PC: variants seen among roughly 807,000 people sequenced by gnomAD.
The protein encoded by PC is pyruvate carboxylase, mitochondrial.
PC carries 46 observed loss-of-function variants against 107.8 expected under a neutral mutation model. The ratio of observed to expected loss-of-function variants is 0.43; its 90% confidence interval spans 0.34 to 0.55. The LOEUF (loss-of-function observed/expected upper bound fraction) is 0.55. Ranked by LOEUF, PC falls within the 20% of genes least tolerant of loss-of-function variation. PC has a pLI of 0.04. For synonymous variants in PC, 662 were observed against 684.7 expected (o/e 0.97, Z 0.52); for missense variants, 1,241 against 1,643.1 (o/e 0.76, Z 4.23).
intron 11 of PC, among the ~76,000 whole-genome samples, chr11:66,865,454 G>A (rs950789923): frequency 2.0e-5 from 3 of 152,236 alleles, no homozygotes; most frequent in Admixed American, 6.5e-5. Flanking sequence ...AACAGGCACC[G>A]AGCAGGCCGC....
intron 3 of PC, among the ~76,000 whole-genome samples, chr11:66,886,940 C>G (rs1947390052): frequency 6.6e-6 from 1 of 152,180 alleles, no homozygotes; most frequent in African/African-American, 2.4e-5. Flanking sequence ...AACCTAGGGT[C>G]CTGCCTTTGA....
At chr11:66,939,776 C>A (rs1162017593) in intron 3 of PC, among the ~76,000 whole-genome samples, 6 of 137,898 alleles carry the variant, frequency 4.4e-5, no homozygotes, top group Admixed American at 3.8e-4. Flanking sequence ...TGCACTCCAG[C>A]CTGGGCAACA....
At chr11:66,854,019 C>CA (rs1274569484) in intron 12 of PC, among the ~76,000 whole-genome samples, 1 of 152,262 alleles carries the variant, frequency 6.6e-6, no homozygotes, top group Non-Finnish European at 1.5e-5. Context: ...AGTCCACGGC[C>CA]AGCTTCCTGC....
intron 3 of PC, among the ~76,000 whole-genome samples, chr11:66,940,439 G>A (rs1405115264): frequency 6.6e-6 from 1 of 152,050 alleles, no homozygotes; most frequent in Non-Finnish European, 1.5e-5. Context: ...TGTAATCCCA[G>A]CACTTTGGGA....
At chr11:66,888,664 G>A (rs1174082832) in intron 3 of PC, among the ~76,000 whole-genome samples, 1 of 152,216 alleles carries the variant, frequency 6.6e-6, no homozygotes, top group Non-Finnish European at 1.5e-5. Context: ...GAATGAAGAG[G>A]AGATGGCAAC....
At chr11:66,939,533 A>G in intron 3 of PC, among the ~76,000 whole-genome samples, 1 of 152,190 alleles carries the variant, frequency 6.6e-6, no homozygotes, top group East Asian at 1.9e-4. Flanking sequence ...GGCTGGACAC[A>G]GTGGTTCACG....
intron 3 of PC, among the ~76,000 whole-genome samples, chr11:66,928,465 C>T (rs1021015636): frequency 2.0e-5 from 3 of 150,952 alleles, no homozygotes; most frequent in Admixed American, 1.3e-4. Flanking sequence ...GCAGAATGAC[C>T]ATGGGGTGTT....
In PC at chr11:66,850,386, G is replaced by A. The variant is rs2135795954; in HGVS notation, c.2552C>T (p.Thr851Met). 1 of 1,614,048 alleles carries A rather than the reference G, an allele frequency of 6.2e-7. No homozygotes were observed. The highest frequency in any genetic ancestry group is 1.3e-5 in the African/African-American group (1 of 75,036). The change falls in exon 19 of 23, where the codon ACG (threonine) becomes ATG (methionine). Residue 851 changes from threonine to methionine, a missense_variant. Physicochemically the swap from Thr to Met is moderately conservative, Grantham distance 81 (BLOSUM62 -1). Coordinates refer to ENST00000393960, the MANE Select transcript of PC (RefSeq NM_001040716.2). ...CGAGTTGCCAGACTTCATGGTGGCC[G>A]TGCAGTCGAAGGCCGCGTACAGTCC... ...ARGLYAAFDCTATMKSGNSDV... is the reference protein window; with the variant it reads ...ARGLYAAFDCMATMKSGNSDV...
Position 66,849,836 on chromosome 11 carries a change from C to T in PC, c.2922G>A (p.Val974=), listed in dbSNP as rs752435667. 3 of 1,613,700 alleles carry T rather than the reference C, an allele frequency of 1.9e-6. No homozygotes were observed. The highest frequency in any genetic ancestry group is 3.3e-5 in the Admixed American group (2 of 60,010). Residue 974 remains valine, a synonymous_variant, in exon 21 of 23, where the codon GTG becomes GTA. Transcript: ENST00000393960. ...GGAGGGAGGCTCCAGGCCGCCCCTCCACCCTTGGCAGGTCCTTCAGTACCT... is the reference window on the plus strand; with the variant it reads ...GGAGGGAGGCTCCAGGCCGCCCCTCTACCCTTGGCAGGTCCTTCAGTACCT... ...RSKVLKDLPR[V]EGRPGASLPP...
intron 12 of PC, among the ~76,000 whole-genome samples, chr11:66,863,005 C>A (rs1028776103): frequency 6.6e-6 from 1 of 152,128 alleles, no homozygotes; most frequent in Non-Finnish European, 1.5e-5. Context: ...ATGACTTGGG[C>A]TCTTGCCTGG....
chr11:66,873,537 T>TAA (rs1491199991), intron 3 of PC, among the ~76,000 whole-genome samples: 2 of 100,346 alleles, frequency 2.0e-5, no homozygotes, highest in African/African-American at 8.0e-5. Flanking sequence ...ATAATATATA[T>TAA]TATATATAAT....
In PC at chr11:66,851,094, G is replaced by T; in HGVS notation, c.2169C>A (p.Tyr723Ter). 6.2e-7 allele frequency: 1 copy of T among 1,613,354 alleles called. No homozygotes were observed. ...GCACCAGCTCTTCGGCCAAGCCCAT[G>T]TAGTACTGCAGTGAGTACTTGGTGC... The part of the protein sequence containing the change: ...PSRTKYSLQY[Y>*]MGLAEELVRA... Residue 723 changes from tyrosine to a stop codon, truncating the protein, a stop_gained, in exon 17 of 23, where the codon TAC (tyrosine) becomes TAA (stop). Coordinates refer to ENST00000393960, the MANE Select transcript of PC (RefSeq NM_001040716.2). LOFTEE classifies it high-confidence loss of function.
intron 3 of PC, among the ~76,000 whole-genome samples, chr11:66,873,991 G>C (rs1946880716): frequency 6.7e-6 from 1 of 149,084 alleles, no homozygotes; most frequent in Non-Finnish European, 1.5e-5. Flanking sequence ...ACAGAGTCTT[G>C]CTCTGTCACC....
chr11:66,853,517 G>A (rs1391400071), intron 12 of PC, 134 bp from the exon 13 acceptor site: 2 of 1,041,190 alleles, frequency 1.9e-6, no homozygotes, highest in Non-Finnish European at 3.0e-6. Context: ...CCTGCAGAGG[G>A]GCACTTCCCC....
In PC at chr11:66,870,992, G is replaced by A. The variant is rs1295387107; in HGVS notation, c.633+60C>T. On this transcript the variant is annotated intron_variant, in intron 7 of 22. Transcript: ENST00000393960. This position sits in a 1 kb window ranked among gnomAD's most constrained non-coding sequence, Gnocchi z 6.1. ...ACTTTCCAGATCCCTTGAGTGGTCC[G>A]CCCCTGCCCCCACGGCAGGCTGCCC... is the stretch of plus-strand genomic sequence containing the variant. 6.2e-6 allele frequency: 10 copies of A among 1,609,390 alleles called. No homozygotes were observed. Among genetic ancestry groups the A allele is most frequent in the Admixed American group, 1.7e-5 (1 of 60,002 alleles).
chr11:66,924,369 C>CAAAAAAAAAAAAAAAAAAAAAA (rs71045970), intron 3 of PC, among the ~76,000 whole-genome samples: 17 of 65,556 alleles, frequency 2.6e-4, no homozygotes, highest in South Asian at 5.1e-4. Flanking sequence ...CCATCTCTAC[C>CAAAAAAAAAAAAAAAAAAAAAA]AAAAAAAAAA....
At position 66,871,806 on chromosome 11, in the gene PC, A is replaced by G. The variant is rs1946745791; in HGVS notation, c.202T>C (p.Ser68Pro). The G allele has an allele frequency of 1.9e-6, 3 of 1,609,066 alleles. No individual in the cohort carries two copies. Among genetic ancestry groups the G allele is most frequent in the Non-Finnish European group, 2.5e-6 (3 of 1,179,262 alleles). The change falls in exon 5 of 23, where the codon TCT becomes CCT. Residue 68 changes from serine to proline, a missense_variant. By Grantham distance (74) the Ser-to-Pro change is moderately conservative. Transcript: ENST00000393960. This position sits in a 1 kb window ranked among gnomAD's most constrained non-coding sequence, Gnocchi z 7.4. ...TGCATCTGGCCCGTGTCCTGCTCAG[A>G]GTAGATGGCTACGGTGCGGATGCCC... Reference protein sequence around the residue: ...ELGIRTVAIYSEQDTGQMHRQ... With the variant: ...ELGIRTVAIYPEQDTGQMHRQ...
rs201344655 is a variant in PC, at chr11:66,868,848, G to T, written c.1020C>A (p.Thr340=). Residue 340 remains threonine (T), a splice_region_variant and synonymous_variant, in exon 10 of 23, where the codon ACC becomes ACA. Coordinates refer to ENST00000393960, the MANE Select transcript of PC (RefSeq NM_001040716.2). Reference sequence around the variant, plus strand: ...CCCGCCTGCCCGCCCACACTCACTCGGTGATCTCCTCTGTGACCGTGTGCT... The same window carrying T: ...CCCGCCTGCCCGCCCACACTCACTCTGTGATCTCCTCTGTGACCGTGTGCT... The part of the protein sequence containing the change: ...QVEHTVTEEI[T]DVDLVHAQIH... 1.2e-6 allele frequency: 2 copies of T among 1,610,696 alleles called. No homozygotes were observed. Among genetic ancestry groups the T allele is most frequent in the Non-Finnish European group, 1.7e-6 (2 of 1,177,448 alleles).
chr11:66,893,119 G>T (rs769573723), intron 3 of PC, among the ~76,000 whole-genome samples: 1 of 152,188 alleles, frequency 6.6e-6, no homozygotes, highest in Non-Finnish European at 1.5e-5. Flanking sequence ...CAGCTGCACC[G>T]TGTCAGTGAG....
Sources: allele counts gnomAD v4.1 joint callset (sites outside exome capture counted in the v4.1 genomes callset), GRCh38; gene constraint gnomAD v4.1.1; non-coding constraint Gnocchi (gnomAD v3.1); transcripts MANE v1.5; gene names NCBI Gene and HGNC (gene_info 2026-07-23, HGNC 2026-07-21).